Variants in FGD6 observed in about 807,000 individuals in gnomAD.
FGD6 encodes the protein FYVE, RhoGEF and PH domain-containing protein 6.
In FGD6, 90 loss-of-function variants were observed where a neutral mutation model predicts 149.4. The ratio of observed to expected loss-of-function variants is 0.60; its 90% CI spans 0.51 to 0.72. The LOEUF (loss-of-function observed/expected upper bound fraction) is 0.72, where lower values mean the gene tolerates loss of function less well. FGD6 is among the 30% of genes least tolerant of loss of function. The pLI, the probability that FGD6 is intolerant of heterozygous loss-of-function variation, is 0.00. For synonymous variants in FGD6, 527 were observed against 584.0 expected (o/e 0.90, Z 1.41); for missense variants, 1,437 against 1,684.8 (o/e 0.85, Z 2.57).
intron 5 of FGD6, among the ~76,000 whole-genome samples, chr12:95,144,828 A>G (rs764927618): frequency 6.6e-6 from 1 of 151,290 alleles, no homozygotes; most frequent in Non-Finnish European, 1.5e-5. Context: ...AGCTGGGATT[A>G]CAGGCGCTTG....
intron 20 of FGD6, among the ~76,000 whole-genome samples, chr12:95,083,028 T>TACACACACACACACACACACACAC (rs1275300348): frequency 1.5e-5 from 1 of 67,856 alleles, no homozygotes; most frequent in Admixed American, 1.8e-4. Flanking sequence ...TATATATATA[T>TACACACACACACACACACACACAC]ATACACACAC....
chr12:95,153,805 A>G (rs921900026), intron 3 of FGD6, among the ~76,000 whole-genome samples: 8 of 152,204 alleles, frequency 5.3e-5, no homozygotes, highest in East Asian at 3.8e-4. Context: ...TATAACAAAT[A>G]TAAGTCAAAA....
At chr12:95,168,461 T>C (rs4762625) in intron 3 of FGD6, among the ~76,000 whole-genome samples, 133,168 of 152,210 alleles carry the variant, frequency 0.87, 58,603 homozygotes, top group African/African-American at 0.96. Context: ...GTCAGGAGTT[T>C]GAGACCAGCG....
chr12:95,170,294 C>CTT lies in FGD6; in HGVS notation c.2586+2305_2586+2306insAA, dbSNP rs1880952720. Among the ~76,000 whole-genome samples, 3 of 152,120 alleles carry CTT rather than the reference C, an allele frequency of 2.0e-5. 1 individual carries two copies. The South Asian group carries it at 6.2e-4, about 31-fold the overall frequency. On this transcript the variant is annotated intron_variant, in intron 3 of 20. Transcript: ENST00000343958. ...TGTTTCCTTCATAGCTTGTAACACT[C>CTT]TGAAGTTCTTCCTGATTATGATTAA...
chr12:95,216,669 CAAAA>C (rs143881424), intron 1 of FGD6, among the ~76,000 whole-genome samples: 71 of 88,730 alleles, frequency 8.0e-4, no homozygotes, highest in South Asian at 1.4e-3. Flanking sequence ...TGCAGACAAG[CAAAA>C]AAAAAAAAAA....
chr12:95,152,342 A>G (rs1472318617), intron 5 of FGD6, among the ~76,000 whole-genome samples: 1 of 152,120 alleles, frequency 6.6e-6, no homozygotes, highest in Non-Finnish European at 1.5e-5. Flanking sequence ...CAAAAAAACA[A>G]AAAAAAGTTG....
rs1188013018 is a variant in FGD6 at position 95,217,216 on chromosome 12, G to C, written c.16+9C>G. 1 of 1,612,308 alleles carries C rather than the reference G, an allele frequency of 6.2e-7. No individual in the cohort carries two copies. Among genetic ancestry groups the C allele is most frequent in the Admixed American group, 1.7e-5 (1 of 59,938 alleles). ...ACTTTCCCGCGGCAGCGCGAGCGCC[G>C]TCACTTACCGGCTGCAGAAGTCATG... On this transcript the variant is annotated intron_variant, in intron 1 of 20. Coordinates refer to ENST00000343958, the MANE Select transcript of FGD6 (RefSeq NM_018351.4).
intron 8 of FGD6, among the ~76,000 whole-genome samples, chr12:95,122,867 A>G (rs1231466161): frequency 3.3e-5 from 5 of 151,782 alleles, no homozygotes; most frequent in Non-Finnish European, 5.9e-5. Context: ...AGATCACATG[A>G]GGTCAGGAAT....
chr12:95,180,079 CAAA>C (rs148087005), intron 2 of FGD6, among the ~76,000 whole-genome samples: 2 of 138,710 alleles, frequency 1.4e-5, no homozygotes, highest in African/African-American at 2.7e-5. Flanking sequence ...ACTCTGCCTC[CAAA>C]AAAAAAAAAA....
intron 8 of FGD6, among the ~76,000 whole-genome samples, chr12:95,125,413 C>T (rs1592842737): frequency 6.6e-6 from 1 of 152,104 alleles, no homozygotes; most frequent in East Asian, 1.9e-4. Flanking sequence ...TGGAAGGATC[C>T]CCTGAACCCA....
At chr12:95,122,879 C>T (rs1879232908) in intron 8 of FGD6, among the ~76,000 whole-genome samples, 1 of 150,892 alleles carries the variant, frequency 6.6e-6, no homozygotes, top group Non-Finnish European at 1.5e-5. Context: ...GTCAGGAATT[C>T]GAGACCAGCC....
intron 8 of FGD6, among the ~76,000 whole-genome samples, chr12:95,132,657 C>T (rs1470559724): frequency 1.3e-5 from 2 of 152,046 alleles, no homozygotes; most frequent in Admixed American, 6.5e-5. Flanking sequence ...GAGGCTGAGG[C>T]AGGAGAATCT....
At chr12:95,109,698 AC>A (rs1878751476) in intron 9 of FGD6, among the ~76,000 whole-genome samples, 1 of 152,100 alleles carries the variant, frequency 6.6e-6, no homozygotes, top group South Asian at 2.1e-4. Context: ...CCTTGTTTCC[AC>A]AAAAAATCCA....
chr12:95,131,791 A>G (rs1214881143), intron 8 of FGD6, among the ~76,000 whole-genome samples: 3 of 152,284 alleles, frequency 2.0e-5, no homozygotes, highest in East Asian at 3.9e-4. Context: ...GCAACAATTA[A>G]CGAATGGAAA....
At chr12:95,145,554 T>G (rs903801596) in intron 5 of FGD6, among the ~76,000 whole-genome samples, 1 of 152,156 alleles carries the variant, frequency 6.6e-6, no homozygotes, top group African/African-American at 2.4e-5. Context: ...GTTAGTAATT[T>G]TCCATCCACT....
chr12:95,096,777 C>T (rs1267940895), intron 14 of FGD6, among the ~76,000 whole-genome samples: 1 of 152,138 alleles, frequency 6.6e-6, no homozygotes, highest in African/African-American at 2.4e-5. Context: ...TTATTAAACC[C>T]AAGTGTAGTT....
At position 95,091,626 on chromosome 12, in the gene FGD6, G is replaced by C. The variant is rs1003930521; in HGVS notation, c.3850+81C>G. 5 of 830,950 alleles carry C rather than the reference G, an allele frequency of 6.0e-6. No homozygotes were observed. In the Admixed American group the frequency reaches 1.2e-4, roughly 20 times the overall value. 51.5% of individuals were successfully genotyped at this position (830,950 alleles called of 1,614,324 possible). ...TCAACAATCATATTGCTAATGTACC[G>C]AAGGTGTTTCTCTCAGAAGGTTGTT... On this transcript the variant is annotated intron_variant, in intron 17 of 20. Coordinates refer to ENST00000343958, the MANE Select transcript of FGD6 (RefSeq NM_018351.4).
rs749323061 is a variant in FGD6 at position 95,211,182 on chromosome 12, G to A, written c.102C>T (p.Pro34=). 10 of 1,613,938 alleles carry A rather than the reference G, an allele frequency of 6.2e-6. No individual in the cohort carries two copies. The highest frequency in any genetic ancestry group is 2.2e-5 in the South Asian group (2 of 91,062). Residue 34 remains proline, a synonymous_variant, in exon 2 of 21, where the codon CCC becomes CCT. Coordinates refer to ENST00000343958, the MANE Select transcript of FGD6 (RefSeq NM_018351.4). ...KPAPPPIAPK[P]DIVISSVPQS... ...GTGGAACACTAGAAATCACAATGTC[G>A]GGTTTAGGTGCAATAGGAGGTGGGG...
intron 2 of FGD6, among the ~76,000 whole-genome samples, chr12:95,201,472 G>A (rs1443308559): frequency 3.9e-5 from 6 of 152,010 alleles, no homozygotes; most frequent in East Asian, 1.9e-4. Flanking sequence ...TCTTGTGGGC[G>A]GGCTGGGAAA....
Sources: gnomAD v4.1 joint callset for allele counts (sites outside exome capture counted in the v4.1 genomes callset) on GRCh38, gnomAD v4.1.1 for gene constraint, MANE v1.5 for transcripts, NCBI Gene and HGNC (gene_info 2026-07-23, HGNC 2026-07-21) for gene names.